The following NYAP2 variants were observed in gnomAD, a reference collection of about 807,000 sequenced individuals.
NYAP2 encodes the protein neuronal tyrosine-phosphorylated phosphoinositide-3-kinase adapter 2.
NYAP2 carries 23 observed loss-of-function variants against 50.4 expected under a neutral mutation model. The observed-to-expected ratio is 0.46, with a 90% confidence interval of 0.33 to 0.65. NYAP2 has a LOEUF of 0.65. NYAP2 is among the 30% of genes least tolerant of loss of function. NYAP2 has a pLI of 0.02. For missense variants in NYAP2, 885 were observed against 861.0 expected (o/e 1.03, Z -0.35); for synonymous variants, 394 against 365.2 (o/e 1.08, Z -0.90).
chr2:225,638,646 A>G (rs922823912), intron 6 of NYAP2, among the ~76,000 whole-genome samples: 1 of 152,166 alleles, frequency 6.6e-6, no homozygotes, highest in African/African-American at 2.4e-5. Context: ...TCCAGGTGAG[A>G]GATGGCCAAC....
At chr2:225,410,408 T>C (rs1056281493) in intron 3 of NYAP2, among the ~76,000 whole-genome samples, 8 of 152,126 alleles carry the variant, frequency 5.3e-5, no homozygotes, top group Non-Finnish European at 1.2e-4. Context: ...CTAGAGTGTA[T>C]AAATGCCTTC....
the NYAP2 span, among the ~76,000 whole-genome samples, chr2:225,674,448 C>T: frequency 3.9e-5 from 6 of 152,030 alleles, no homozygotes; most frequent in Admixed American, 1.3e-4. Flanking sequence ...GAAAAATTGA[C>T]AAGGAATCTT....
chr2:225,657,591 T>TAAA (rs78616843), downstream of NYAP2, among the ~76,000 whole-genome samples: 18 of 77,170 alleles, frequency 2.3e-4, no homozygotes, highest in African/African-American at 8.0e-4. Context: ...AAAACTGCTC[T>TAAA]AAAAAAAAAA....
chr2:225,636,180 A>G (rs545566788), intron 6 of NYAP2, among the ~76,000 whole-genome samples: 3 of 152,330 alleles, frequency 2.0e-5, no homozygotes, highest in African/African-American at 7.2e-5. Context: ...AGGGAAGGCC[A>G]TTCAAACAAG....
At chr2:225,574,558 A>C (rs1378105) in intron 4 of NYAP2, among the ~76,000 whole-genome samples, 2 of 152,154 alleles carry the variant, frequency 1.3e-5, no homozygotes, top group Admixed American at 1.3e-4. Context: ...TCCAGCCTTT[A>C]AAAGTTTTGG....
intron 5 of NYAP2, among the ~76,000 whole-genome samples, chr2:225,616,336 C>T (rs1308448108): frequency 6.6e-6 from 1 of 152,220 alleles, no homozygotes; most frequent in Non-Finnish European, 1.5e-5. Flanking sequence ...TATGCCCCCG[C>T]TCCTCCATAC....
chr2:225,419,644 C>CA (rs1695184831), intron 3 of NYAP2, among the ~76,000 whole-genome samples: 1 of 152,172 alleles, frequency 6.6e-6, no homozygotes, highest in African/African-American at 2.4e-5. Flanking sequence ...CAACACATGG[C>CA]ACAACTAGCG....
At chr2:225,633,697 C>A (rs1382446556) in intron 6 of NYAP2, among the ~76,000 whole-genome samples, 1 of 152,190 alleles carries the variant, frequency 6.6e-6, no homozygotes, top group Non-Finnish European at 1.5e-5. Context: ...ACCTGGAAAG[C>A]ATAGGGGCAC....
chr2:225,583,117 G>T, intron 5 of NYAP2, 82 bp downstream of exon 5: 1 of 1,480,988 alleles, frequency 6.8e-7, no homozygotes, highest in Non-Finnish European at 9.0e-7. Flanking sequence ...TGCAGATAAC[G>T]CACAGAGTAC....
At chr2:225,566,915 A>ATGTG (rs770779216) in intron 4 of NYAP2, among the ~76,000 whole-genome samples, 179 of 150,516 alleles carry the variant, frequency 1.2e-3, no homozygotes, top group African/African-American at 3.5e-3. Context: ...TTACAGTAAT[A>ATGTG]TGTGTGTGTG....
chr2:225,649,565 A>G (rs1693695437), intron 6 of NYAP2, among the ~76,000 whole-genome samples: 1 of 152,172 alleles, frequency 6.6e-6, no homozygotes, highest in Non-Finnish European at 1.5e-5. Flanking sequence ...GAGAATACAT[A>G]AACGTCATTA....
chr2:225,451,216 T>C (rs1023442815), intron 3 of NYAP2, among the ~76,000 whole-genome samples: 4 of 152,198 alleles, frequency 2.6e-5, no homozygotes, highest in South Asian at 2.1e-4. Context: ...CGTCTACAGC[T>C]GCCAGGCACC....
intron 3 of NYAP2, among the ~76,000 whole-genome samples, chr2:225,456,037 G>T (rs544736919): frequency 6.6e-6 from 1 of 152,178 alleles, no homozygotes; most frequent in African/African-American, 2.4e-5. Flanking sequence ...CCCCAGGCAG[G>T]TTGGTCTCCC....
the NYAP2 span, among the ~76,000 whole-genome samples, chr2:225,672,274 A>G: frequency 1.3e-5 from 2 of 152,276 alleles, no homozygotes; most frequent in African/African-American, 4.8e-5. Context: ...TGTTCTGGAT[A>G]ACTTACTGCT....
intron 3 of NYAP2, among the ~76,000 whole-genome samples, chr2:225,440,503 G>A (rs887882989): frequency 6.6e-6 from 1 of 152,164 alleles, no homozygotes; most frequent in Non-Finnish European, 1.5e-5. Context: ...AGGCTAAGGA[G>A]CAATAATAAA....
At chr2:225,545,485 C>T (rs1691563391) in intron 4 of NYAP2, among the ~76,000 whole-genome samples, 1 of 152,038 alleles carries the variant, frequency 6.6e-6, no homozygotes. Context: ...CTGATACATT[C>T]TTCAGTATGT....
chr2:225,641,422 A>AACACAC (rs56041107), intron 6 of NYAP2, among the ~76,000 whole-genome samples: 1,469 of 133,666 alleles, frequency 0.011, 14 homozygotes, highest in Non-Finnish European at 0.015. Context: ...CAATCCCTCA[A>AACACAC]ACACACACAC....
At chr2:225,662,255 G>A in the NYAP2 span, among the ~76,000 whole-genome samples, 2 of 152,198 alleles carry the variant, frequency 1.3e-5, no homozygotes, top group African/African-American at 2.4e-5. Context: ...TCCATTCATC[G>A]GTTATTACAT....
chr2:225,469,315 T>G (rs1298142717), intron 3 of NYAP2, among the ~76,000 whole-genome samples: 2 of 152,200 alleles, frequency 1.3e-5, no homozygotes, highest in Non-Finnish European at 2.9e-5. Context: ...CACAATGAGA[T>G]ACCATCTCAT....
Sources: allele counts gnomAD v4.1 joint callset (sites outside exome capture counted in the v4.1 genomes callset), GRCh38; gene constraint gnomAD v4.1.1; transcripts MANE v1.5; gene names NCBI Gene and HGNC (gene_info 2026-07-23, HGNC 2026-07-21).